Variants in KLF12 observed in about 807,000 individuals in gnomAD.
KLF12 encodes the protein KLF transcription factor 12, also known as Krueppel-like factor 12.
KLF12 carries 9 observed loss-of-function variants against 37.8 expected under a neutral mutation model. That is an observed-to-expected ratio of 0.24 (90% confidence interval 0.14 to 0.42). KLF12 has a LOEUF of 0.42. KLF12 is among the 10% of genes least tolerant of loss of function. The pLI, the probability that KLF12 is intolerant of heterozygous loss-of-function variation, is 1.00. For synonymous variants in KLF12, 208 were observed against 202.1 expected (o/e 1.03, Z -0.25); for missense variants, 411 against 516.0 (o/e 0.80, Z 1.97).
chr13:73,764,899 G>A (rs374296906), intron 6 of KLF12, 39 bp downstream of exon 6: 89 of 1,195,652 alleles, frequency 7.4e-5, no homozygotes, highest in African/African-American at 1.3e-4. Context: ...AAAGTTTCCC[G>A]TAAGACCTAC....
At chr13:73,700,704 A>G (rs936025609) in intron 7 of KLF12, among the ~76,000 whole-genome samples, 4 of 152,110 alleles carry the variant, frequency 2.6e-5, no homozygotes, top group African/African-American at 9.7e-5. Flanking sequence ...ACCTGTTTTC[A>G]TTATATACGC....
the KLF12 span, among the ~76,000 whole-genome samples, chr13:74,233,709 A>G: frequency 6.6e-6 from 1 of 152,226 alleles, no homozygotes; most frequent in Non-Finnish European, 1.5e-5. Flanking sequence ...AGAATTAAAG[A>G]GCAGAGGGTC....
At chr13:73,912,502 C>T (rs1888617443) in intron 3 of KLF12, among the ~76,000 whole-genome samples, 1 of 152,084 alleles carries the variant, frequency 6.6e-6, no homozygotes, top group African/African-American at 2.4e-5. Flanking sequence ...CACACAGAGA[C>T]ACACAAGGAG....
At chr13:73,835,066 C>CTTT (rs57370625) in intron 4 of KLF12, among the ~76,000 whole-genome samples, 36 of 142,878 alleles carry the variant, frequency 2.5e-4, no homozygotes, top group East Asian at 1.2e-3. Flanking sequence ...GAAGTTAAAC[C>CTTT]TTTTTTTTTT....
chr13:73,835,710 C>T (rs925651622), intron 4 of KLF12, among the ~76,000 whole-genome samples: 2 of 152,076 alleles, frequency 1.3e-5, no homozygotes, highest in African/African-American at 4.8e-5. Flanking sequence ...TATATACACA[C>T]CCCCTGCCCG....
intron 1 of KLF12, among the ~76,000 whole-genome samples, chr13:74,080,547 T>A (rs9543520): frequency 0.19 from 29,171 of 151,674 alleles, 2,967 homozygotes; most frequent in African/African-American, 0.27. Flanking sequence ...GCAACGTATA[T>A]GTTAGATAAG....
the KLF12 span, among the ~76,000 whole-genome samples, chr13:74,247,047 A>C: frequency 6.6e-6 from 1 of 152,244 alleles, no homozygotes; most frequent in East Asian, 1.9e-4. Flanking sequence ...TGTGAAAACG[A>C]TCTTATTGTA....
chr13:74,243,223 G>A, the KLF12 span, among the ~76,000 whole-genome samples: 3 of 152,052 alleles, frequency 2.0e-5, no homozygotes, highest in Non-Finnish European at 2.9e-5. Flanking sequence ...TTCTGTTCCT[G>A]TGTTAGTTTG....
chr13:74,263,753 A>T, the KLF12 span, among the ~76,000 whole-genome samples: 8 of 152,188 alleles, frequency 5.3e-5, no homozygotes, highest in Non-Finnish European at 2.9e-5. Flanking sequence ...AGGAAAAAAT[A>T]AATTCTCTCT....
intron 4 of KLF12, among the ~76,000 whole-genome samples, chr13:73,814,266 CA>C (rs1249939623): frequency 2.6e-5 from 4 of 152,232 alleles, no homozygotes; most frequent in African/African-American, 9.6e-5. Flanking sequence ...CGGGGGAAGG[CA>C]AAATGCAGGT....
intron 1 of KLF12, among the ~76,000 whole-genome samples, chr13:74,051,341 A>AACACACACACACACACACAC (rs10678885): frequency 7.0e-5 from 10 of 143,690 alleles, no homozygotes; most frequent in Non-Finnish European, 9.1e-5. Context: ...TACACACACA[A>AACACACACACACACACACAC]ACACACACAC....
chr13:74,012,339 C>T (rs1892571479), intron 1 of KLF12, among the ~76,000 whole-genome samples: 1 of 152,190 alleles, frequency 6.6e-6, no homozygotes, highest in African/African-American at 2.4e-5. Flanking sequence ...TTTCCATAAT[C>T]CTCATAGACT....
intron 3 of KLF12, among the ~76,000 whole-genome samples, chr13:73,936,044 T>C (rs915445657): frequency 4.6e-5 from 7 of 152,254 alleles, no homozygotes; most frequent in Admixed American, 1.3e-4. Flanking sequence ...GCATATAAGA[T>C]ACAAAATAGA....
intron 2 of KLF12, among the ~76,000 whole-genome samples, chr13:73,956,824 C>T (rs1481089519): frequency 2.6e-5 from 4 of 151,814 alleles, no homozygotes; most frequent in Admixed American, 2.6e-4. Context: ...GCTAATCAGG[C>T]TTAAGTGAAA....
the KLF12 span, chr13:74,257,835 A>T: frequency 6.6e-6 from 1 of 152,170 alleles, no homozygotes; most frequent in African/African-American, 2.4e-5. Context: ...GCTCAAACTC[A>T]TCTTTCCCTT....
chr13:73,941,949 C>T (rs1220736189), intron 3 of KLF12, among the ~76,000 whole-genome samples: 7 of 152,170 alleles, frequency 4.6e-5, no homozygotes, highest in Non-Finnish European at 1.0e-4. Flanking sequence ...TTTTCATGAA[C>T]AGGCATTAGG....
chr13:73,724,992 G>A (rs977087171), intron 6 of KLF12, among the ~76,000 whole-genome samples: 1 of 151,682 alleles, frequency 6.6e-6, no homozygotes, highest in African/African-American at 2.4e-5. Flanking sequence ...TTTTTGCTTT[G>A]GCTGCTAGAA....
chr13:74,072,323 G>A (rs1036239001), intron 1 of KLF12, among the ~76,000 whole-genome samples: 27 of 127,456 alleles, frequency 2.1e-4, no homozygotes, highest in Middle Eastern at 5.1e-3. Flanking sequence ...ACTCCTAAAT[G>A]TCTACTATTT....
At chr13:73,720,840 C>A (rs1480933490) in intron 6 of KLF12, among the ~76,000 whole-genome samples, 1 of 152,170 alleles carries the variant, frequency 6.6e-6, no homozygotes, top group African/African-American at 2.4e-5. Flanking sequence ...GTGACCTTAG[C>A]ATGATGAGAT....
Sources: gnomAD v4.1 joint callset for allele counts (sites outside exome capture counted in the v4.1 genomes callset) on GRCh38, gnomAD v4.1.1 for gene constraint, MANE v1.5 for transcripts, NCBI Gene and HGNC (gene_info 2026-07-23, HGNC 2026-07-21) for gene names.